Variants in GZMA observed in about 807,000 individuals in gnomAD.
GZMA encodes the protein CTL tryptase.
GZMA carries 17 observed loss-of-function variants against 21.1 expected under a neutral mutation model. That is an observed-to-expected ratio of 0.81 (90% CI 0.55 to 1.21). The LOEUF (loss-of-function observed/expected upper bound fraction) is 1.21, where lower values mean the gene tolerates loss of function less well. Among genes scored for constraint, GZMA ranks in the 50% most tolerant of loss-of-function variants. The pLI is 0.00. For synonymous variants in GZMA, 90 were observed against 107.8 expected (o/e 0.83, Z 1.03); for missense variants, 306 against 315.9 (o/e 0.97, Z 0.24).
At chr5:55,108,415 C>T (rs752035472) in intron 4 of GZMA, 21 bp downstream of exon 4, 23 of 1,587,776 alleles carry the variant, frequency 1.4e-5, no homozygotes, top group South Asian at 3.4e-5. Context: ...TAAGATCCCA[C>T]GTTTCAGCTA....
intron 1 of GZMA, 131 bp from the exon 2 acceptor site, chr5:55,105,343 A>C: frequency 1.4e-6 from 1 of 710,320 alleles, no homozygotes; most frequent in Non-Finnish European, 2.3e-6. Flanking sequence ...CATAGAGTAA[A>C]AGCAGGGGAA....
chr5:55,107,719 G>T (rs1742436834), intron 2 of GZMA, 75 bp from the exon 3 acceptor site: 3 of 1,085,560 alleles, frequency 2.8e-6, no homozygotes, highest in Non-Finnish European at 4.0e-6. Context: ...ATGGGACAAT[G>T]AAACTGATCA....
At chr5:55,103,841 A>C (rs1327371915) in intron 1 of GZMA, among the ~76,000 whole-genome samples, 3 of 152,202 alleles carry the variant, frequency 2.0e-5, no homozygotes, top group African/African-American at 7.2e-5. Flanking sequence ...CCTTGTCTCC[A>C]CTAAAAAAAC....
intron 1 of GZMA, among the ~76,000 whole-genome samples, chr5:55,104,020 AAGAGAG>A (rs572296148): frequency 6.6e-6 from 1 of 151,784 alleles, no homozygotes; most frequent in Non-Finnish European, 1.5e-5. Context: ...AAAAACAAAA[AAGAGAG>A]AGAGAGAGAA....
At position 55,110,235 on chromosome 5, in the gene GZMA, T is replaced by A; in HGVS notation, c.*53T>A. ...CTTCTTAATCTTTTCACAAATAAAA[T>A]CAATTTGCATGACTGTACCTGTTTC... On this transcript the variant is annotated 3_prime_UTR_variant, in exon 5 of 5. Transcript: ENST00000274306. The A allele has an allele frequency of 7.5e-7, 1 of 1,333,516 alleles. No individual in the cohort carries two copies. The highest frequency in any genetic ancestry group is 2.4e-5 in the East Asian group (1 of 41,570). 82.6% of individuals were successfully genotyped at this position (1,333,516 alleles called of 1,614,324 possible).
intron 2 of GZMA, 134 bp downstream of exon 2, chr5:55,105,752 C>T: frequency 1.4e-6 from 1 of 709,254 alleles, no homozygotes; most frequent in East Asian, 2.8e-5. Context: ...GCAGGTGGAT[C>T]ACATGAGGTC....
chr5:55,108,621 A>G (rs1361305380), intron 4 of GZMA, among the ~76,000 whole-genome samples: 1 of 152,188 alleles, frequency 6.6e-6, no homozygotes, highest in African/African-American at 2.4e-5. Flanking sequence ...GACCTACTAC[A>G]TATTTTTGAT....
At chr5:55,105,669 G>A in intron 2 of GZMA, 51 bp downstream of exon 2, 1 of 1,506,884 alleles carries the variant, frequency 6.6e-7, no homozygotes, top group Non-Finnish European at 9.2e-7. Flanking sequence ...TCTAATTTGG[G>A]GAAACATTAA....
chr5:55,105,699 A>C, intron 2 of GZMA, 81 bp downstream of exon 2: 1 of 1,217,622 alleles, frequency 8.2e-7, no homozygotes, highest in Admixed American at 1.8e-5. Flanking sequence ...TAGGCCGGGC[A>C]CAGTGGCTTA....
intron 3 of GZMA, 57 bp downstream of exon 3, chr5:55,107,992 C>T (rs558764142): frequency 3.1e-5 from 48 of 1,525,830 alleles, no homozygotes; most frequent in African/African-American, 9.6e-5. Context: ...ATCTGGCCGC[C>T]GACGTGAAAA....
At chr5:55,104,004 C>CAA (rs57267991) in intron 1 of GZMA, among the ~76,000 whole-genome samples, 1 of 125,640 alleles carries the variant, frequency 8.0e-6, no homozygotes. Flanking sequence ...GACTCTGTCT[C>CAA]AAAAAAAAAA....
chr5:55,107,758 A>T (rs765972102), intron 2 of GZMA, 36 bp from the exon 3 acceptor site: 2 of 1,585,684 alleles, frequency 1.3e-6, no homozygotes, highest in Admixed American at 3.4e-5. Flanking sequence ...CAATACAAAG[A>T]ATAAATCCAG....
At chr5:55,105,423 G>A (rs954505508) in intron 1 of GZMA, 51 bp from the exon 2 acceptor site, 1 of 1,537,744 alleles carries the variant, frequency 6.5e-7, no homozygotes, top group Non-Finnish European at 8.9e-7. Context: ...ACTTTGTGTA[G>A]AGCTCTTTGG....
chr5:55,107,726 AT>A, intron 2 of GZMA, 67 bp from the exon 3 acceptor site: 2 of 1,199,086 alleles, frequency 1.7e-6, no homozygotes, highest in Non-Finnish European at 2.4e-6. Flanking sequence ...AATGAAACTG[AT>A]CAGTATATAT....
intron 2 of GZMA, among the ~76,000 whole-genome samples, chr5:55,107,121 G>A (rs1742429643): frequency 6.6e-6 from 1 of 152,124 alleles, no homozygotes; most frequent in African/African-American, 2.4e-5. Context: ...TGCATAATCT[G>A]GTTGGTGTAG....
At chr5:55,102,952 A>G (rs1054647955) in intron 1 of GZMA, among the ~76,000 whole-genome samples, 200 bp downstream of exon 1, 1 of 151,996 alleles carries the variant, frequency 6.6e-6, no homozygotes, top group African/African-American at 2.4e-5. Context: ...ACTTGAGCGC[A>G]GGAGTTTGAG....
rs1467164163 is a variant in GZMA at position 55,107,807 on chromosome 5, C to G, written c.229C>G (p.Gln77Glu). Residue 77 changes from glutamine to glutamate, a missense_variant, in exon 3 of 5, where the codon CAG (glutamine) becomes GAG (glutamate). Gln to Glu is a conservative substitution (Grantham distance 29, BLOSUM62 2). Coordinates refer to ENST00000274306, the MANE Select transcript of GZMA (RefSeq NM_006144.4). Reference protein sequence around the residue: ...AAHCNLNKRSQVILGAHSITR... With the variant: ...AAHCNLNKRSEVILGAHSITR... ...GTCTGTTCTCAGGAACAAAAGGTCC[C>G]AGGTCATTCTTGGGGCTCACTCAAT... 3 of 1,612,736 alleles carry G rather than the reference C, an allele frequency of 1.9e-6. No individual in the cohort carries two copies. Among genetic ancestry groups the G allele is most frequent in the Non-Finnish European group, 2.5e-6 (3 of 1,179,060 alleles).
intron 2 of GZMA, among the ~76,000 whole-genome samples, chr5:55,106,070 TAAATAA>T (rs1411850996): frequency 5.5e-4 from 1 of 1,810 alleles, no homozygotes. Context: ...TAAAATAAAA[TAAATAA>T]AATAAAATAA....
chr5:55,103,873 G>C (rs1561278873), intron 1 of GZMA, among the ~76,000 whole-genome samples: 2 of 152,066 alleles, frequency 1.3e-5, no homozygotes, highest in Non-Finnish European at 2.9e-5. Context: ...GGGTATGGTG[G>C]CACGTGCCTG....
Sources: allele counts gnomAD v4.1 joint callset (sites outside exome capture counted in the v4.1 genomes callset), GRCh38; gene constraint gnomAD v4.1.1; transcripts MANE v1.5; gene names NCBI Gene and HGNC (gene_info 2026-07-23, HGNC 2026-07-21).